Variants in CELF2 observed in about 807,000 individuals in gnomAD.
CELF2 encodes CUG triplet repeat RNA-binding protein 2.
In CELF2, 8 loss-of-function variants were observed where a neutral mutation model predicts 62.6. The observed-to-expected ratio is 0.13, with a 90% CI of 0.07 to 0.23. CELF2 has a LOEUF of 0.23. Ranked by LOEUF, CELF2 falls within the 10% of genes least tolerant of loss-of-function variation. The pLI, the probability that CELF2 is intolerant of heterozygous loss-of-function variation, is 1.00. For synonymous variants in CELF2, 258 were observed against 250.0 expected (o/e 1.03, Z -0.30); for missense variants, 333 against 671.0 (o/e 0.50, Z 5.56).
chr10:11,156,796 G>T lies in CELF2; in HGVS notation c.75-8690G>T, dbSNP rs372420578. Among the ~76,000 whole-genome samples, 1 of 152,168 alleles carries T rather than the reference G, an allele frequency of 6.6e-6. No homozygotes were observed. The highest frequency in any genetic ancestry group is 1.5e-5 in the Non-Finnish European group (1 of 68,032). On this transcript the variant is annotated intron_variant, in intron 1 of 12. Coordinates refer to ENST00000633077, the MANE Select transcript of CELF2 (RefSeq NM_001326342.2). The surrounding 1 kb of genome is among the most constrained non-coding windows in gnomAD (Gnocchi z 4.3). Reference sequence around the variant, plus strand: ...AGCAAGCAGCCAGTCCGCATTACACGCATGTTCTGTGTGCAGCACTGTTTC... The same window carrying T: ...AGCAAGCAGCCAGTCCGCATTACACTCATGTTCTGTGTGCAGCACTGTTTC...
rs2096071396 is a variant in CELF2, at chr10:11,333,786, G to GTT, written c.*4735_*4736dup. 2 of 151,842 alleles carry GTT rather than the reference G, an allele frequency of 1.3e-5. No individual in the cohort carries two copies. Among genetic ancestry groups the GTT allele is most frequent in the Admixed American group, 1.3e-4 (2 of 15,214 alleles). 9.4% of individuals were successfully genotyped at this position (151,842 alleles called of 1,614,324 possible). On this transcript the variant is annotated 3_prime_UTR_variant, in exon 13 of 13. Transcript: ENST00000633077. ...TTTATTGATGCATTTGGATTTTGTTGTTTGATGGAATTTGAGCCAAAAAAA... is the reference window on the plus strand; with the variant it reads ...TTTATTGATGCATTTGGATTTTGTTGTTTTTGATGGAATTTGAGCCAAAAAAA...
chr10:11,221,673 A>G (rs1328144552), intron 3 of CELF2, among the ~76,000 whole-genome samples: 1 of 152,252 alleles, frequency 6.6e-6, no homozygotes, highest in Non-Finnish European at 1.5e-5. Context: ...GAAACCTCTT[A>G]AATTTTAACA....
chr10:11,235,531 C>CA (rs1184925169), intron 3 of CELF2, among the ~76,000 whole-genome samples: 1 of 152,186 alleles, frequency 6.6e-6, no homozygotes, highest in African/African-American at 2.4e-5. Flanking sequence ...TGAACAATCT[C>CA]ACACATTAGA....
chr10:11,178,128 G>A lies in CELF2; in HGVS notation c.271+12446G>A, dbSNP rs111795434. On this transcript the variant is annotated intron_variant, in intron 2 of 12. Transcript: ENST00000633077. This position sits in a 1 kb window ranked among gnomAD's most constrained non-coding sequence, Gnocchi z 4.3. ...GCCACATGCCCTGGCCTGCGTCAGC[G>A]TTATGGAGTAGGCAACCTGGTTCGG... 4.1e-4 allele frequency among the ~76,000 whole-genome samples: 63 copies of A among 152,348 alleles called. No homozygotes were observed. Among genetic ancestry groups the A allele is most frequent in the African/African-American group, 1.1e-3 (44 of 41,572 alleles).
At chr10:10,820,612 G>A (rs909849307) in intron 1 of CELF2, among the ~76,000 whole-genome samples, 4 of 152,108 alleles carry the variant, frequency 2.6e-5, no homozygotes, top group Non-Finnish European at 5.9e-5. Flanking sequence ...ACTAAGGGGT[G>A]GACAGAGAGG....
rs1025440371 is a variant in CELF2 at position 11,318,345 on chromosome 10, C to T, written c.1097-2844C>T. On this transcript the variant is annotated intron_variant, in intron 10 of 12. Coordinates refer to ENST00000633077, the MANE Select transcript of CELF2 (RefSeq NM_001326342.2). The surrounding 1 kb of genome is among the most constrained non-coding windows in gnomAD (Gnocchi z 5.4). ...TTTATACCATGGAGGTGGCGAGCCC[C>T]TGGCTGGAGAGGCCAAACCCTCCCC... 7 of 182,762 alleles carry T rather than the reference C, an allele frequency of 3.8e-5. No homozygotes were observed. The highest frequency in any genetic ancestry group is 6.9e-5 in the Non-Finnish European group (6 of 87,162). The allele number at this position is 182,762 out of a possible 1,614,324, so 11.3% of individuals were successfully genotyped here.
chr10:10,653,300 C>A, the CELF2 span, among the ~76,000 whole-genome samples: 7,178 of 150,794 alleles, frequency 0.048, 236 homozygotes, highest in South Asian at 0.12. Flanking sequence ...CAACATTAGA[C>A]AGATCAACGA....
chr10:10,832,934 G>C (rs144939608), intron 1 of CELF2, among the ~76,000 whole-genome samples: 2 of 152,178 alleles, frequency 1.3e-5, no homozygotes, highest in African/African-American at 4.8e-5. Context: ...CCTTAGGACA[G>C]CGTTTTAGAG....
At chr10:10,791,961 G>A in the CELF2 span, among the ~76,000 whole-genome samples, 1 of 147,888 alleles carries the variant, frequency 6.8e-6, no homozygotes, top group Admixed American at 6.9e-5. Flanking sequence ...AAGGAGAGAA[G>A]GAGGAAGGGA....
At chr10:10,588,637 T>C in the CELF2 span, among the ~76,000 whole-genome samples, 1 of 152,202 alleles carries the variant, frequency 6.6e-6, no homozygotes, top group Non-Finnish European at 1.5e-5. Context: ...TTGTTCCTGA[T>C]AGTTAATGTA....
At chr10:10,525,380 A>T in the CELF2 span, among the ~76,000 whole-genome samples, 1 of 152,176 alleles carries the variant, frequency 6.6e-6, no homozygotes, top group African/African-American at 2.4e-5. Flanking sequence ...ATTTTTTTTT[A>T]GCTCATCAGG....
chr10:10,974,631 A>G (rs2051128458), intron 2 of CELF2, among the ~76,000 whole-genome samples: 1 of 152,212 alleles, frequency 6.6e-6, no homozygotes, highest in African/African-American at 2.4e-5. Context: ...TTACTTCACT[A>G]AGCCATCCCC....
At chr10:10,555,358 G>A in the CELF2 span, among the ~76,000 whole-genome samples, 3 of 151,462 alleles carry the variant, frequency 2.0e-5, no homozygotes, top group Non-Finnish European at 4.4e-5. Context: ...TGTGATGGCT[G>A]TTCAGTCTCC....
chr10:10,844,120 G>A (rs1465745484), intron 1 of CELF2, among the ~76,000 whole-genome samples: 7 of 151,926 alleles, frequency 4.6e-5, no homozygotes, highest in Admixed American at 1.3e-4. Context: ...TCCTGCCTCA[G>A]AGTCCTGATA....
intron 1 of CELF2, among the ~76,000 whole-genome samples, chr10:10,835,052 G>C (rs1020091363): frequency 3.9e-5 from 6 of 152,112 alleles, no homozygotes; most frequent in Admixed American, 3.9e-4. Flanking sequence ...AGAGGCTGGA[G>C]TATAAATTAG....
intron 1 of CELF2, among the ~76,000 whole-genome samples, chr10:11,137,056 G>A (rs186703998): frequency 1.3e-5 from 2 of 152,106 alleles, no homozygotes; most frequent in East Asian, 1.9e-4. Context: ...TGACTATATG[G>A]CATATATGTA....
chr10:10,894,141 G>T (rs2133964155), intron 1 of CELF2, among the ~76,000 whole-genome samples: 1 of 151,732 alleles, frequency 6.6e-6, no homozygotes, highest in African/African-American at 2.4e-5. Context: ...CCAAATGATA[G>T]ATTTTTCATT....
intron 1 of CELF2, among the ~76,000 whole-genome samples, chr10:11,090,967 A>G (rs904766927): frequency 6.6e-6 from 1 of 152,256 alleles, no homozygotes; most frequent in African/African-American, 2.4e-5. Flanking sequence ...CGTTTTTTAA[A>G]AACATGTAAT....
chr10:10,498,964 C>G, the CELF2 span, among the ~76,000 whole-genome samples: 1 of 152,088 alleles, frequency 6.6e-6, no homozygotes, highest in Non-Finnish European at 1.5e-5. Flanking sequence ...TCTCTAAAAT[C>G]CATATGGGAG....
Sources: gnomAD v4.1 joint callset for allele counts (sites outside exome capture counted in the v4.1 genomes callset) on GRCh38, gnomAD v4.1.1 for gene constraint, Gnocchi (gnomAD v3.1) non-coding constraint, MANE v1.5 for transcripts, NCBI Gene and HGNC (gene_info 2026-07-23, HGNC 2026-07-21) for gene names.